The following ZC4H2 variants were observed in gnomAD, a reference collection of about 807,000 sequenced individuals.
The protein encoded by ZC4H2 is zinc finger C4H2-type containing.
For missense variants in ZC4H2, 137 were observed against 173.9 expected (o/e 0.79, Z 1.19); for synonymous variants, 84 against 66.3 (o/e 1.27, Z -1.30).
At chrX:64,924,478 G>A (rs765021345) in intron 1 of ZC4H2, among the ~76,000 whole-genome samples, 2 of 111,552 alleles carry the variant, frequency 1.8e-5, no homozygotes, top group South Asian at 3.8e-4. Flanking sequence ...GAAGAAAATC[G>A]ATCCTGAACA....
intron 1 of ZC4H2, among the ~76,000 whole-genome samples, chrX:64,990,058 T>G (rs1361415476): frequency 8.9e-6 from 1 of 112,039 alleles, no homozygotes. Context: ...AAGTGAAAAT[T>G]TATGTTTACA....
chrX:64,983,781 G>C (rs1385603813), intron 1 of ZC4H2, among the ~76,000 whole-genome samples: 1 of 111,525 alleles, frequency 9.0e-6, no homozygotes, highest in Non-Finnish European at 1.9e-5. Context: ...AAAAAGTTTT[G>C]CCTTCTAAAA....
At chrX:64,930,623 C>T (rs750114686) in intron 1 of ZC4H2, among the ~76,000 whole-genome samples, 1 of 111,911 alleles carries the variant, frequency 8.9e-6, no homozygotes, top group African/African-American at 3.2e-5. Flanking sequence ...TTGAGCTAAT[C>T]ATATGATTTT....
intron 1 of ZC4H2, among the ~76,000 whole-genome samples, chrX:64,940,532 T>A (rs1005186580): frequency 8.9e-6 from 1 of 112,097 alleles, no homozygotes; most frequent in East Asian, 2.8e-4. Context: ...TGATTTTAGG[T>A]CTTACATTTA....
intron 1 of ZC4H2, among the ~76,000 whole-genome samples, chrX:65,017,794 T>A (rs1265918905): frequency 8.9e-6 from 1 of 112,069 alleles, no homozygotes; most frequent in Non-Finnish European, 1.9e-5. Flanking sequence ...CTTACGACAA[T>A]CTTAAGCAAA....
At chrX:64,982,830 C>T (rs1484617576) in intron 1 of ZC4H2, among the ~76,000 whole-genome samples, 1 of 112,124 alleles carries the variant, frequency 8.9e-6, no homozygotes, top group African/African-American at 3.2e-5. Context: ...AAAAATGACA[C>T]TCATAAAATA....
intron 1 of ZC4H2, among the ~76,000 whole-genome samples, chrX:64,982,134 A>C (rs926694229): frequency 2.7e-5 from 3 of 111,603 alleles, no homozygotes; most frequent in Non-Finnish European, 5.6e-5. Flanking sequence ...GTGTACATCT[A>C]CTGCATTTTC....
chrX:64,947,248 C>T, intron 1 of ZC4H2, among the ~76,000 whole-genome samples: 1 of 111,611 alleles, frequency 9.0e-6, no homozygotes, highest in African/African-American at 3.3e-5. Context: ...ATTTTATATC[C>T]CAGGAAATGG....
At chrX:65,005,427 C>A (rs778413468) in intron 1 of ZC4H2, among the ~76,000 whole-genome samples, 16 of 111,238 alleles carry the variant, frequency 1.4e-4, no homozygotes, top group Non-Finnish European at 2.8e-4. Context: ...AATAATGCCA[C>A]ACATCTAGAA....
At chrX:64,967,335 T>G (rs1931627314) in intron 1 of ZC4H2, among the ~76,000 whole-genome samples, 1 of 111,480 alleles carries the variant, frequency 9.0e-6, no homozygotes, top group African/African-American at 3.3e-5. Context: ...AAGAGTGTCA[T>G]GCCAGTCACT....
chrX:64,958,732 T>C (rs1373152971), intron 1 of ZC4H2, among the ~76,000 whole-genome samples: 5 of 111,297 alleles, frequency 4.5e-5, no homozygotes, highest in Non-Finnish European at 9.4e-5. Context: ...GCAGTGCCAA[T>C]TTGCTCAGCA....
At position 64,920,033 on chromosome X, in the gene ZC4H2, T is replaced by A. The variant is rs373287313; in HGVS notation, c.398+48A>T. On this transcript the variant is annotated intron_variant, in intron 3 of 4. Coordinates refer to ENST00000374839, the MANE Select transcript of ZC4H2 (RefSeq NM_018684.4). ...GTGTGTAGGTATGTAAGTATGTATG[T>A]GGGTCGGAGGGAGGGTATGTTGTAG... 9.4e-6 allele frequency: 11 copies of A among 1,166,831 alleles called. No homozygotes were observed. The Admixed American group carries it at 1.9e-4, about 20-fold the overall frequency.
intron 1 of ZC4H2, among the ~76,000 whole-genome samples, chrX:64,944,783 A>C (rs1199144927): frequency 9.2e-6 from 1 of 109,129 alleles, no homozygotes; most frequent in African/African-American, 3.3e-5. Flanking sequence ...GCTCCTTTTC[A>C]TTTTTTTTCT....
At chrX:65,028,829 G>T (rs1019713099) in intron 1 of ZC4H2, among the ~76,000 whole-genome samples, 5 of 111,242 alleles carry the variant, frequency 4.5e-5, no homozygotes, top group African/African-American at 1.6e-4. Flanking sequence ...GCCTCTCTTT[G>T]GGGAAATTTT....
intron 1 of ZC4H2, among the ~76,000 whole-genome samples, chrX:64,946,457 C>T (rs780814386): frequency 1.8e-5 from 2 of 110,036 alleles, no homozygotes; most frequent in South Asian, 8.0e-4. Context: ...ACGAGAGGAA[C>T]CGGGTACCTC....
chrX:64,921,035 C>T (rs1929173035), intron 2 of ZC4H2, among the ~76,000 whole-genome samples: 3 of 112,458 alleles, frequency 2.7e-5, no homozygotes, highest in Non-Finnish European at 5.6e-5. Context: ...ATCTCTAACA[C>T]AGAAAATCCC....
At chrX:65,023,514 C>A (rs781599008) in intron 1 of ZC4H2, among the ~76,000 whole-genome samples, 1 of 111,888 alleles carries the variant, frequency 8.9e-6, no homozygotes, top group Admixed American at 9.5e-5. Context: ...AAAAGCTCAT[C>A]ATCACTGGTC....
intron 1 of ZC4H2, among the ~76,000 whole-genome samples, chrX:65,015,577 C>T (rs1429247761): frequency 2.7e-5 from 3 of 111,850 alleles, no homozygotes; most frequent in Non-Finnish European, 5.6e-5. Context: ...TCTCTCATTC[C>T]ATGATATGTG....
chrX:65,004,503 C>A (rs1157568249), intron 1 of ZC4H2, among the ~76,000 whole-genome samples: 1 of 111,882 alleles, frequency 8.9e-6, no homozygotes, highest in African/African-American at 3.3e-5. Context: ...TCAATAGATG[C>A]AGAAAAGGCC....
Sources: gnomAD v4.1 joint callset for allele counts (sites outside exome capture counted in the v4.1 genomes callset) on GRCh38, gnomAD v4.1.1 for gene constraint, MANE v1.5 for transcripts, NCBI Gene and HGNC (gene_info 2026-07-23, HGNC 2026-07-21) for gene names.